SCN8A: variants seen among roughly 807,000 people sequenced by gnomAD.
SCN8A encodes the protein sodium voltage-gated channel alpha subunit 8.
SCN8A carries 30 observed loss-of-function variants against 184.1 expected under a neutral mutation model. The ratio of observed to expected loss-of-function variants is 0.16; its 90% CI spans 0.12 to 0.22. SCN8A has a LOEUF of 0.22. Among genes scored for constraint, SCN8A ranks in the 10% least tolerant of loss-of-function variants. The pLI is 1.00. For synonymous variants in SCN8A, 852 were observed against 907.0 expected, an observed-to-expected ratio of 0.94 and a Z score of 1.09; for missense variants, 1,057 against 2,498.9, an observed-to-expected ratio of 0.42 and a Z score of 12.30.
intron 19 of SCN8A, among the ~76,000 whole-genome samples, chr12:51,772,335 C>T (rs1208473837): frequency 2.0e-5 from 3 of 151,002 alleles, no homozygotes; most frequent in Non-Finnish European, 4.4e-5. Flanking sequence ...GCGGAGGTTG[C>T]AGTGTGCCGA....
intron 1 of SCN8A, among the ~76,000 whole-genome samples, chr12:51,661,469 G>A (rs930393786): frequency 2.9e-4 from 44 of 152,192 alleles, no homozygotes; most frequent in Non-Finnish European, 1.3e-4. Flanking sequence ...TGGAATCTCA[G>A]CAGGTGGATT....
Position 51,718,957 on chromosome 12 carries a change from A to G in SCN8A, c.1636-2589A>G, listed in dbSNP as rs193255892. 4.3e-3 allele frequency among the ~76,000 whole-genome samples: 654 copies of G among 151,732 alleles called. 5 individuals carry two copies. Among genetic ancestry groups the G allele is most frequent in the African/African-American group, 0.014 (597 of 41,396 alleles). On this transcript the variant is annotated intron_variant, in intron 11 of 26. Transcript: ENST00000627620. ...TTGAGTTTTCAGTTCTTTGCTTTCA[A>G]TAAAATTGGAAAAAGACTTAATTGC... is the stretch of plus-strand genomic sequence containing the variant.
In SCN8A at chr12:51,774,054, C is replaced by T. The variant is rs1013424945; in HGVS notation, c.3646-135C>T. The stretch of plus-strand genomic sequence containing the variant: ...TTAAAACATAAAAAGCCTGTGTAGT[C>T]GGGGAGTAAAGCGAAGGAGACAGGG... On this transcript the variant is annotated intron_variant, in intron 19 of 26. Coordinates refer to ENST00000627620, the MANE Select transcript of SCN8A (RefSeq NM_001330260.2). The T allele has an allele frequency of 1.5e-4, 86 of 580,792 alleles. 1 individual carries two copies. In the East Asian group the frequency reaches 2.5e-3, roughly 17 times the overall value. The allele number at this position is 580,792 out of a possible 1,614,324, so 36.0% of individuals were successfully genotyped here.
chr12:51,670,481 G>A (rs1941111477), intron 2 of SCN8A, among the ~76,000 whole-genome samples: 1 of 152,190 alleles, frequency 6.6e-6, no homozygotes, highest in Admixed American at 6.5e-5. Context: ...GGAAGTGACT[G>A]AGGAACAGTG....
At chr12:51,637,804 G>A (rs941580846) in intron 1 of SCN8A, among the ~76,000 whole-genome samples, 40 of 152,202 alleles carry the variant, frequency 2.6e-4, no homozygotes, top group African/African-American at 7.9e-4. Context: ...AATTGATGAC[G>A]GTGACCATAC....
intron 12 of SCN8A, among the ~76,000 whole-genome samples, chr12:51,727,438 A>G (rs1434481448): frequency 6.6e-6 from 1 of 152,304 alleles, no homozygotes. Flanking sequence ...CTGAAAAGAT[A>G]GAGAAGGGGA....
At chr12:51,750,074 C>T (rs1234345319) in intron 13 of SCN8A, among the ~76,000 whole-genome samples, 3 of 152,164 alleles carry the variant, frequency 2.0e-5, no homozygotes, top group African/African-American at 7.2e-5. Context: ...AGTTGAGTGT[C>T]TGTCTTTGAT....
At chr12:51,600,917 G>C (rs1008107923) in intron 1 of SCN8A, among the ~76,000 whole-genome samples, 4 of 152,178 alleles carry the variant, frequency 2.6e-5, no homozygotes. Flanking sequence ...TTTGGCAGAA[G>C]TCCCCATGGT....
At chr12:51,712,623 C>G in intron 11 of SCN8A, 1 of 778,576 alleles carries the variant, frequency 1.3e-6, no homozygotes, top group Non-Finnish European at 2.3e-6. Flanking sequence ...TAGTTCCCAC[C>G]ACCACCATAG....
At chr12:51,795,986 G>C (rs1938395955) in intron 26 of SCN8A, among the ~76,000 whole-genome samples, 1 of 152,038 alleles carries the variant, frequency 6.6e-6, no homozygotes, top group Non-Finnish European at 1.5e-5. Flanking sequence ...GGTCAAGGCT[G>C]CAGTGAGCTG....
At chr12:51,684,781 A>C (rs1050337515) in intron 3 of SCN8A, among the ~76,000 whole-genome samples, 2 of 152,210 alleles carry the variant, frequency 1.3e-5, no homozygotes, top group Non-Finnish European at 2.9e-5. Flanking sequence ...CCTCCTTGTT[A>C]CAGAGGTTTA....
intron 1 of SCN8A, among the ~76,000 whole-genome samples, chr12:51,624,969 T>G (rs1271029345): frequency 6.6e-6 from 1 of 152,136 alleles, no homozygotes. Context: ...TGTCATACAT[T>G]TATAATATGT....
intron 12 of SCN8A, among the ~76,000 whole-genome samples, chr12:51,740,302 A>G (rs1244564202): frequency 6.6e-6 from 1 of 152,140 alleles, no homozygotes; most frequent in Non-Finnish European, 1.5e-5. Flanking sequence ...CTTCCCTCTT[A>G]CTAGTGCTTG....
At chr12:51,628,338 A>G (rs367886773) in intron 1 of SCN8A, among the ~76,000 whole-genome samples, 2 of 152,222 alleles carry the variant, frequency 1.3e-5, no homozygotes, top group East Asian at 1.9e-4. Flanking sequence ...CTGGCCCTTC[A>G]AGGTTGAGAC....
In SCN8A at chr12:51,788,757, G is replaced by A. The variant is rs746304478; in HGVS notation, c.4281+9G>A. ...CTGTAGATTCCCGGAAGGTAAGGAT[G>A]TACATGGCGAAAATACCACCTTCTC... is the stretch of plus-strand genomic sequence containing the variant. On this transcript the variant is annotated intron_variant, in intron 23 of 26. Coordinates refer to ENST00000627620, the MANE Select transcript of SCN8A (RefSeq NM_001330260.2). The A allele has an allele frequency of 8.7e-6, 14 of 1,608,258 alleles. No individual in the cohort carries two copies. The highest frequency in any genetic ancestry group is 5.6e-5 in the South Asian group (5 of 89,708).
At chr12:51,636,570 C>G (rs1241323296) in intron 1 of SCN8A, among the ~76,000 whole-genome samples, 1 of 152,234 alleles carries the variant, frequency 6.6e-6, no homozygotes, top group African/African-American at 2.4e-5. Flanking sequence ...GTTTATTTGG[C>G]ATGAGCTCTG....
At chr12:51,602,129 A>G (rs1939480787) in intron 1 of SCN8A, among the ~76,000 whole-genome samples, 1 of 152,036 alleles carries the variant, frequency 6.6e-6, no homozygotes, top group Non-Finnish European at 1.5e-5. Context: ...TTGAATGCTG[A>G]CTTTGGTAGT....
intron 1 of SCN8A, among the ~76,000 whole-genome samples, chr12:51,645,324 G>A (rs531287944): frequency 2.0e-5 from 3 of 151,034 alleles, no homozygotes; most frequent in African/African-American, 7.3e-5. Context: ...CCGTCCAGGA[G>A]GGAGGTGGGG....
chr12:51,621,720 C>CCT (rs1231491357), intron 1 of SCN8A, among the ~76,000 whole-genome samples: 1 of 152,202 alleles, frequency 6.6e-6, no homozygotes, highest in Non-Finnish European at 1.5e-5. Context: ...CAGCTACAGG[C>CCT]CTCTTACAGG....
Sources: allele counts gnomAD v4.1 joint callset (sites outside exome capture counted in the v4.1 genomes callset), GRCh38; gene constraint gnomAD v4.1.1; transcripts MANE v1.5; gene names NCBI Gene and HGNC (gene_info 2026-07-23, HGNC 2026-07-21).